Variants in AUTS2 observed in about 807,000 individuals in gnomAD.
AUTS2 encodes activator of transcription and developmental regulator AUTS2, also known as autism susceptibility gene 2 protein.
In AUTS2, 17 loss-of-function variants were observed where a neutral mutation model predicts 112.4. The observed-to-expected ratio is 0.15, with a 90% confidence interval of 0.10 to 0.23. AUTS2 has a LOEUF of 0.23. Ranked by LOEUF, AUTS2 falls within the 10% of genes least tolerant of loss-of-function variation. The probability of loss-of-function intolerance (pLI) is 1.00; values close to 1 mark genes in which losing one functional copy is unlikely to be tolerated. For missense variants in AUTS2, 1,510 were observed against 1,701.6 expected (o/e 0.89, Z 1.98); for synonymous variants, 751 against 702.7 (o/e 1.07, Z -1.09).
At chr7:70,610,300 A>C (rs921792477) in intron 5 of AUTS2, among the ~76,000 whole-genome samples, 7 of 151,926 alleles carry the variant, frequency 4.6e-5, no homozygotes, top group Admixed American at 2.0e-4. Flanking sequence ...CACCCAACCC[A>C]TATTTTTAAT....
intron 1 of AUTS2, among the ~76,000 whole-genome samples, chr7:69,678,120 A>C (rs533845286): frequency 7.8e-4 from 119 of 152,236 alleles, no homozygotes; most frequent in Middle Eastern, 6.8e-3. Context: ...AGGCTGACCT[A>C]TGAAATCTGG....
At chr7:70,602,499 G>A (rs554565674) in intron 5 of AUTS2, among the ~76,000 whole-genome samples, 3 of 152,300 alleles carry the variant, frequency 2.0e-5, no homozygotes, top group African/African-American at 7.2e-5. Context: ...CCGGATGCCA[G>A]GCACTCATGT....
chr7:70,413,364 A>C (rs1386299010), intron 4 of AUTS2, among the ~76,000 whole-genome samples: 1 of 152,198 alleles, frequency 6.6e-6, no homozygotes, highest in Admixed American at 6.5e-5. Flanking sequence ...AGGGGTCTAC[A>C]TTAGAGCCAA....
chr7:70,175,363 G>C (rs1400380069), intron 4 of AUTS2, among the ~76,000 whole-genome samples: 1 of 152,204 alleles, frequency 6.6e-6, no homozygotes, highest in Non-Finnish European at 1.5e-5. Flanking sequence ...TCTACTCCTG[G>C]TGAAGATGCT....
intron 4 of AUTS2, among the ~76,000 whole-genome samples, chr7:70,139,513 T>C (rs1806742722): frequency 6.6e-6 from 1 of 152,230 alleles, no homozygotes; most frequent in Non-Finnish European, 1.5e-5. Context: ...TTATAAAATA[T>C]AGTAATTTTT....
intron 2 of AUTS2, among the ~76,000 whole-genome samples, chr7:69,940,686 T>C (rs2129544931): frequency 6.6e-6 from 1 of 152,312 alleles, no homozygotes; most frequent in South Asian, 2.1e-4. Flanking sequence ...TCACTAGTGA[T>C]GTGTCTAAGT....
intron 1 of AUTS2, among the ~76,000 whole-genome samples, chr7:69,870,385 A>G (rs1201432600): frequency 6.9e-6 from 1 of 145,126 alleles, no homozygotes; most frequent in Non-Finnish European, 1.5e-5. Flanking sequence ...TTAAGGAATA[A>G]TATTAAGAGA....
intron 5 of AUTS2, among the ~76,000 whole-genome samples, chr7:70,489,175 A>G (rs969364348): frequency 6.6e-6 from 1 of 152,236 alleles, no homozygotes; most frequent in Non-Finnish European, 1.5e-5. Flanking sequence ...AAGGCAGAAA[A>G]ACATTCTCAA....
intron 4 of AUTS2, among the ~76,000 whole-genome samples, chr7:70,406,604 G>A (rs1794546152): frequency 6.6e-6 from 1 of 152,200 alleles, no homozygotes; most frequent in African/African-American, 2.4e-5. Context: ...CCATTACGAG[G>A]CTGCTGGGCT....
intron 6 of AUTS2, among the ~76,000 whole-genome samples, chr7:70,713,926 C>A (rs1210961023): frequency 6.6e-6 from 1 of 151,486 alleles, no homozygotes; most frequent in African/African-American, 2.4e-5. Context: ...GCTTGCGGGG[C>A]CCCACCTCCA....
chr7:69,820,078 C>T (rs1288665211), intron 1 of AUTS2, among the ~76,000 whole-genome samples: 1 of 152,126 alleles, frequency 6.6e-6, no homozygotes. Context: ...TTCCCTCTGC[C>T]CTTCTTCAAT....
At chr7:70,585,209 G>A (rs550137402) in intron 5 of AUTS2, among the ~76,000 whole-genome samples, 3 of 152,294 alleles carry the variant, frequency 2.0e-5, no homozygotes, top group African/African-American at 7.2e-5. Context: ...ACTTTTGGGG[G>A]TCCTGCAGGG....
chr7:70,730,387 ACT>A (rs1232392226), intron 6 of AUTS2, among the ~76,000 whole-genome samples: 8 of 151,882 alleles, frequency 5.3e-5, no homozygotes, highest in African/African-American at 1.4e-4. Context: ...CCCAAAGGAA[ACT>A]CTGTACCCTT....
At chr7:70,008,422 C>T (rs1799644237) in intron 2 of AUTS2, among the ~76,000 whole-genome samples, 1 of 151,818 alleles carries the variant, frequency 6.6e-6, no homozygotes. Context: ...TTATATATTC[C>T]ACTCTTCTGT....
chr7:70,249,418 A>C (rs555170914), intron 4 of AUTS2, among the ~76,000 whole-genome samples: 2 of 152,200 alleles, frequency 1.3e-5, no homozygotes, highest in East Asian at 3.9e-4. Flanking sequence ...AGTTCTATAG[A>C]ATGGAGTTTA....
intron 4 of AUTS2, among the ~76,000 whole-genome samples, chr7:70,136,367 G>A (rs1214247782): frequency 1.3e-5 from 2 of 152,166 alleles, no homozygotes; most frequent in African/African-American, 2.4e-5. Flanking sequence ...CTGCTAGGAT[G>A]TGTTTCCAAT....
intron 4 of AUTS2, among the ~76,000 whole-genome samples, chr7:70,246,839 T>C (rs1247500520): frequency 6.6e-6 from 1 of 152,112 alleles, no homozygotes; most frequent in African/African-American, 2.4e-5. Flanking sequence ...AATATTTATC[T>C]TTATTTATTT....
At chr7:69,767,887 A>G (rs1788498074) in intron 1 of AUTS2, among the ~76,000 whole-genome samples, 1 of 152,172 alleles carries the variant, frequency 6.6e-6, no homozygotes, top group African/African-American at 2.4e-5. Flanking sequence ...TCACTTTGTG[A>G]AACTTCCTCA....
intron 1 of AUTS2, among the ~76,000 whole-genome samples, chr7:69,740,936 A>G (rs938154515): frequency 1.4e-4 from 21 of 152,192 alleles, no homozygotes; most frequent in Non-Finnish European, 2.9e-4. Flanking sequence ...GGCAAAATTT[A>G]AAGTGGCGAT....
Sources: gnomAD v4.1 joint callset for allele counts (sites outside exome capture counted in the v4.1 genomes callset) on GRCh38, gnomAD v4.1.1 for gene constraint, MANE v1.5 for transcripts, NCBI Gene and HGNC (gene_info 2026-07-23, HGNC 2026-07-21) for gene names.